DHX8: variants seen among roughly 807,000 people sequenced by gnomAD.
The protein encoded by DHX8 is DEAH-box helicase 8, also known as ATP-dependent RNA helicase DHX8.
A neutral mutation model predicts 140.7 loss-of-function variants in DHX8; 67 were observed. The observed-to-expected ratio is 0.48, with a 90% CI of 0.39 to 0.58. The LOEUF is 0.58. Ranked by LOEUF, DHX8 falls within the 20% of genes least tolerant of loss-of-function variation. The probability of loss-of-function intolerance (pLI) is 0.00; values close to 1 mark genes in which losing one functional copy is unlikely to be tolerated. For synonymous variants in DHX8, 533 were observed against 553.2 expected, an observed-to-expected ratio of 0.96 and a Z score of 0.51; for missense variants, 887 against 1,550.7, an observed-to-expected ratio of 0.57 and a Z score of 7.19.
Position 43,513,491 on chromosome 17 carries a change from C to A in DHX8, c.2632C>A (p.Pro878Thr), listed in dbSNP as rs1969953126. The change falls in exon 17 of 23, where the codon CCT becomes ACT. Residue 878 changes from proline to threonine, a missense_variant. Around this residue, in one of 9 missense-constraint regions of DHX8, gnomAD observed 151 missense variants for 388.3 expected, o/e 0.39. Coordinates refer to ENST00000262415, the MANE Select transcript of DHX8 (RefSeq NM_004941.3). ...AGGGATTGACCAGCTCGTGGTGACG[C>A]CTATTTCTCAGGTATGACGGCTTGT... ...KTGIDQLVVT[P>T]ISQAQAKQRA... The A allele has an allele frequency of 6.2e-7, 1 of 1,613,564 alleles. No individual in the cohort carries two copies. The highest frequency in any genetic ancestry group is 8.5e-7 in the Non-Finnish European group (1 of 1,179,778).
At position 43,507,583 on chromosome 17, in the gene DHX8, A is replaced by G; in HGVS notation, c.2004A>G (p.Arg668=). Residue 668 remains arginine (R), a synonymous_variant, in exon 14 of 23, where the codon AGA becomes AGG. Transcript: ENST00000262415. The stretch of plus-strand genomic sequence containing the variant: ...ACATGACAGATGGGATGTTGCTTAG[A>G]GAGTGCTTGATTGACCCTGACCTCA... ...IKYMTDGMLL[R]ECLIDPDLTQ... is the part of the protein sequence containing the mutation. The G allele has an allele frequency of 6.2e-7, 1 of 1,614,168 alleles. No homozygotes were observed.
intron 3 of DHX8, among the ~76,000 whole-genome samples, chr17:43,539,592 G>A (rs552561962): frequency 5.3e-5 from 8 of 152,312 alleles, no homozygotes; most frequent in South Asian, 2.1e-4. Context: ...TAGAGTAGAC[G>A]CTCAGTGCTG....
chr17:43,518,358 G>A (rs959252268), intron 18 of DHX8: 3 of 151,994 alleles, frequency 2.0e-5, no homozygotes, highest in Admixed American at 6.6e-5. Flanking sequence ...TTTATTCATC[G>A]AATTAGCTAA....
rs191193994 is a variant in DHX8 at position 43,491,147 on chromosome 17, G to A, written c.308-18G>A. On this transcript the variant is annotated intron_variant, in intron 3 of 22. Coordinates refer to ENST00000262415, the MANE Select transcript of DHX8 (RefSeq NM_004941.3). ...ATATCTCTTTTTTTAACCCCTTCATGCTCTTTAATGAAACAAGATCCAGTT... is the reference window on the plus strand; with the variant it reads ...ATATCTCTTTTTTTAACCCCTTCATACTCTTTAATGAAACAAGATCCAGTT... 7,721 of 1,368,786 alleles carry A rather than the reference G, an allele frequency of 5.6e-3. 42 individuals carry two copies. The highest frequency in any genetic ancestry group is 0.018 in the Middle Eastern group (95 of 5,312). The allele number at this position is 1,368,786 out of a possible 1,614,324, so 84.8% of individuals were successfully genotyped here.
In DHX8 at chr17:43,507,188, A is replaced by G. The variant is rs752925852; in HGVS notation, c.1914A>G (p.Leu638=). 6.2e-7 allele frequency: 1 copy of G among 1,612,596 alleles called. No homozygotes were observed. Among genetic ancestry groups the G allele is most frequent in the Admixed American group, 1.7e-5 (1 of 59,696 alleles). Residue 638 remains leucine, a synonymous_variant, in exon 13 of 23, where the codon TTA becomes TTG. Coordinates refer to ENST00000262415, the MANE Select transcript of DHX8 (RefSeq NM_004941.3). ...KRVSEEFGCC[L]GQEVGYTIRF... is the part of the protein sequence containing the mutation. The stretch of plus-strand genomic sequence containing the variant: ...TGTCAGAGGAGTTTGGTTGTTGCTT[A>G]GGCCAAGAGGTAAGTAGATAGTGGA...
intron 11 of DHX8, among the ~76,000 whole-genome samples, chr17:43,501,627 G>T (rs1969201005): frequency 6.6e-6 from 1 of 152,166 alleles, no homozygotes; most frequent in African/African-American, 2.4e-5. Context: ...GGGATTACAG[G>T]CATGCACCAC....
chr17:43,490,345 A>G (rs1438569841), intron 2 of DHX8, 46 bp from the exon 3 acceptor site: 1 of 1,475,802 alleles, frequency 6.8e-7, no homozygotes, highest in South Asian at 1.2e-5. Flanking sequence ...GTATTTAAGC[A>G]CTGATATGGG....
Position 43,524,203 on chromosome 17 carries a change from C to T in DHX8, c.*356C>T. The T allele has an allele frequency of 8.8e-7, 1 of 1,131,038 alleles. No individual in the cohort carries two copies. Among genetic ancestry groups the T allele is most frequent in the Non-Finnish European group, 1.1e-6 (1 of 916,742 alleles). 70.1% of individuals were successfully genotyped at this position (1,131,038 alleles called of 1,614,324 possible). A position where few individuals can be genotyped will look rare whatever the true frequency, so the allele number is the denominator to read the frequency against. The stretch of plus-strand genomic sequence containing the variant: ...GGGACATGGTGAGTGCCCTGATGCC[C>T]CAGCTAGCAGGAGCTACTGTGCTCA... On this transcript the variant is annotated 3_prime_UTR_variant, in exon 23 of 23. Transcript: ENST00000262415.
intron 21 of DHX8, 145 bp from the exon 22 acceptor site, chr17:43,521,902 G>A: frequency 1.3e-6 from 1 of 798,508 alleles, no homozygotes; most frequent in Non-Finnish European, 2.0e-6. Context: ...ACTGTGTAGA[G>A]CTGCCTCTGT....
chr17:43,534,983 T>G (rs528297954), intron 2 of DHX8, among the ~76,000 whole-genome samples: 7 of 152,140 alleles, frequency 4.6e-5, no homozygotes, highest in Non-Finnish European at 1.0e-4. Flanking sequence ...CTGGTTGAGG[T>G]TGGATATTGG....
chr17:43,493,984 GC>G, intron 8 of DHX8, 98 bp downstream of exon 8: 2 of 1,251,784 alleles, frequency 1.6e-6, no homozygotes, highest in Non-Finnish European at 2.3e-6. Flanking sequence ...ATAACTTTTG[GC>G]CACTGTATTA....
intron 1 of DHX8, among the ~76,000 whole-genome samples, chr17:43,487,104 T>C (rs1385126467): frequency 6.6e-6 from 1 of 152,180 alleles, no homozygotes; most frequent in Non-Finnish European, 1.5e-5. Context: ...GCTTCCTCAT[T>C]GTAAAACATG....
rs151102564 is a variant in DHX8, at chr17:43,488,335, G to A, written c.149-1114G>A. ...TTTCAAGAACTAGGCAGGTGTGCCG[G>A]GCACAGTGGCTTATGCCTGTAATCC... On this transcript the variant is annotated intron_variant, in intron 1 of 22. Transcript: ENST00000262415. Among the ~76,000 whole-genome samples the A allele has an allele frequency of 2.5e-3, 378 of 151,832 alleles. 3 individuals are homozygous for A. Among genetic ancestry groups the A allele is most frequent in the African/African-American group, 4.4e-3 (181 of 41,404 alleles).
At chr17:43,528,864 C>T (rs993424169), downstream of DHX8, 16 of 782,188 alleles carry the variant, frequency 2.0e-5, no homozygotes, top group Non-Finnish European at 2.9e-5. Flanking sequence ...GGGCATTTCT[C>T]TCCCATGCTG....
intron 9 of DHX8, among the ~76,000 whole-genome samples, 197 bp from the exon 10 acceptor site, chr17:43,498,665 T>A (rs1969012990): frequency 6.6e-6 from 1 of 151,748 alleles, no homozygotes; most frequent in Admixed American, 6.6e-5. Flanking sequence ...ACCAGTCTGA[T>A]CTCAAACTCT....
chr17:43,526,610 G>A, downstream of DHX8: 1 of 1,535,526 alleles, frequency 6.5e-7, no homozygotes, highest in Non-Finnish European at 8.7e-7. Flanking sequence ...GAACAGTTCA[G>A]AGGGCAGAGG....
intron 12 of DHX8, among the ~76,000 whole-genome samples, chr17:43,506,023 G>A (rs1353990205): frequency 6.6e-6 from 1 of 151,718 alleles, no homozygotes; most frequent in Non-Finnish European, 1.5e-5. Context: ...GTGTATGTGT[G>A]TGTGACAGAG....
intron 16 of DHX8, among the ~76,000 whole-genome samples, chr17:43,510,330 G>C (rs1969750419): frequency 6.6e-6 from 1 of 152,176 alleles, no homozygotes; most frequent in Non-Finnish European, 1.5e-5. Context: ...TTCCAGGTGT[G>C]AGCCACCGTG....
intron 8 of DHX8, among the ~76,000 whole-genome samples, chr17:43,494,986 G>T (rs1436796171): frequency 1.3e-5 from 2 of 148,282 alleles, no homozygotes; most frequent in African/African-American, 4.9e-5. Context: ...TAATTTTTTT[G>T]AATTTTTAGT....
Sources: allele counts gnomAD v4.1 joint callset (sites outside exome capture counted in the v4.1 genomes callset), GRCh38; gene constraint gnomAD v4.1.1; regional missense constraint gnomAD v4.1.1; transcripts MANE v1.5; gene names NCBI Gene and HGNC (gene_info 2026-07-23, HGNC 2026-07-21).